TNS3: variants seen among roughly 807,000 people sequenced by gnomAD.
TNS3 encodes tensin 3, also known as tensin-3.
A neutral mutation model predicts 140.9 loss-of-function variants in TNS3; 45 were observed. That is an observed-to-expected ratio of 0.32 (90% CI 0.25 to 0.41). TNS3 has a LOEUF of 0.41. TNS3 is among the 10% of genes least tolerant of loss of function. TNS3 has a pLI of 1.00. For synonymous variants in TNS3, 815 were observed against 788.4 expected (o/e 1.03, Z -0.56); for missense variants, 1,716 against 1,906.7 (o/e 0.90, Z 1.86).
intron 20 of TNS3, among the ~76,000 whole-genome samples, chr7:47,343,512 C>T (rs1360361498): frequency 6.6e-6 from 1 of 152,184 alleles, no homozygotes; most frequent in Non-Finnish European, 1.5e-5. Flanking sequence ...GGCCAGAGGG[C>T]TAGATGCCAG....
chr7:47,283,451 C>T (rs1314335588), intron 28 of TNS3, among the ~76,000 whole-genome samples: 4 of 152,136 alleles, frequency 2.6e-5, no homozygotes, highest in Non-Finnish European at 5.9e-5. Flanking sequence ...AAACGCCAAA[C>T]GTCTTTTTTT....
At chr7:47,531,391 T>C (rs1384612885) in intron 1 of TNS3, among the ~76,000 whole-genome samples, 1 of 152,076 alleles carries the variant, frequency 6.6e-6, no homozygotes, top group Admixed American at 6.5e-5. Flanking sequence ...CAAAAAAAGA[T>C]ATACAATTAA....
intron 1 of TNS3, among the ~76,000 whole-genome samples, chr7:47,574,592 G>A (rs1800629710): frequency 6.6e-6 from 1 of 151,250 alleles, no homozygotes; most frequent in African/African-American, 2.4e-5. Flanking sequence ...TGTATCAACA[G>A]ATGAATGGAT....
intron 2 of TNS3, among the ~76,000 whole-genome samples, chr7:47,521,331 G>A (rs1160110378): frequency 2.0e-5 from 3 of 152,180 alleles, no homozygotes; most frequent in Non-Finnish European, 4.4e-5. Flanking sequence ...GCCCTTCGAA[G>A]CCTTGGTCAC....
intron 9 of TNS3, among the ~76,000 whole-genome samples, chr7:47,425,361 G>A (rs1437825015): frequency 1.3e-5 from 2 of 152,058 alleles, no homozygotes; most frequent in Admixed American, 6.6e-5. Context: ...AAGTGGGCCC[G>A]TTACTTAGAA....
At chr7:47,524,191 C>G (rs527730156) in intron 2 of TNS3, among the ~76,000 whole-genome samples, 3 of 152,310 alleles carry the variant, frequency 2.0e-5, no homozygotes, top group African/African-American at 7.2e-5. Context: ...TCCTGCCTCA[C>G]TGGCCTGGCA....
At chr7:47,361,934 C>T (rs2151096574) in intron 17 of TNS3, among the ~76,000 whole-genome samples, 1 of 152,292 alleles carries the variant, frequency 6.6e-6, no homozygotes, top group Middle Eastern at 3.4e-3. Context: ...AACCACAGAA[C>T]TGGCTTTTTG....
At chr7:47,533,376 C>T (rs1198623232) in intron 1 of TNS3, among the ~76,000 whole-genome samples, 14 of 150,332 alleles carry the variant, frequency 9.3e-5, no homozygotes, top group East Asian at 2.0e-4. Flanking sequence ...GTGATCCATC[C>T]GCCTTGGCCT....
chr7:47,539,281 G>T (rs1203981761), intron 1 of TNS3: 1 of 367,038 alleles, frequency 2.7e-6, no homozygotes, highest in Admixed American at 3.3e-5. Context: ...TTTATTGCAG[G>T]GATACCCTGA....
At chr7:47,355,044 C>T (rs1230039314) in intron 17 of TNS3, among the ~76,000 whole-genome samples, 3 of 152,032 alleles carry the variant, frequency 2.0e-5, no homozygotes, top group Non-Finnish European at 4.4e-5. Flanking sequence ...CCCTACACTG[C>T]CACTCCCAAA....
intron 20 of TNS3, among the ~76,000 whole-genome samples, chr7:47,329,002 ACTC>A (rs1788184127): frequency 6.7e-6 from 1 of 149,830 alleles, no homozygotes; most frequent in Non-Finnish European, 1.5e-5. Context: ...CTGCTGAAAA[ACTC>A]CTATACATTC....
At position 47,549,363 on chromosome 7, in the gene TNS3, C is replaced by T. The variant is rs890651124; in HGVS notation, c.-264-20216G>A. 7.2e-5 allele frequency among the ~76,000 whole-genome samples: 11 copies of T among 152,076 alleles called. 1 individual carries two copies. The South Asian group carries it at 1.7e-3, about 23-fold the overall frequency. On this transcript the variant is annotated intron_variant, in intron 1 of 30. Coordinates refer to ENST00000311160, the MANE Select transcript of TNS3 (RefSeq NM_022748.12). ...AAAAAAACTTAGCCATGTGTGGTGG[C>T]GGGTGCCTGTAATCCCAGCTACTCG... is the stretch of plus-strand genomic sequence containing the variant.
rs1015510672 is a variant in TNS3 at position 47,312,716 on chromosome 7, A to T, written c.2651-7713T>A. The stretch of plus-strand genomic sequence containing the variant: ...AAACTCTGTCTCAAAAAATAAAAAT[A>T]AAAATAAAAAAATAAAATGTCAGGG... On this transcript the variant is annotated intron_variant, in intron 20 of 30. Transcript: ENST00000311160. Among the ~76,000 whole-genome samples the T allele has an allele frequency of 2.1e-5, 3 of 141,098 alleles. No homozygotes were observed. The Admixed American group carries it at 2.2e-4, about 10-fold the overall frequency. 92.6% of individuals were successfully genotyped at this position (141,098 alleles called of 152,430 possible). A position where few individuals can be genotyped will look rare whatever the true frequency, so the allele number is the denominator to read the frequency against.
chr7:47,328,318 C>T (rs1256540836), intron 20 of TNS3, among the ~76,000 whole-genome samples: 2 of 152,228 alleles, frequency 1.3e-5, no homozygotes, highest in Non-Finnish European at 2.9e-5. Flanking sequence ...GCCCTGGCCC[C>T]GCCTTGCTCA....
chr7:47,408,207 G>A (rs182040451), intron 13 of TNS3, among the ~76,000 whole-genome samples: 30 of 152,116 alleles, frequency 2.0e-4, no homozygotes, highest in Non-Finnish European at 2.9e-4. Flanking sequence ...GGAGGCCACC[G>A]CCTCCTTCAC....
chr7:47,279,814 A>C (rs1785047247), intron 30 of TNS3: 1 of 339,868 alleles, frequency 2.9e-6, no homozygotes, highest in Non-Finnish European at 5.4e-6. Context: ...TCATCCACAC[A>C]CCTGCACAAA....
chr7:47,542,268 C>G (rs78682449), intron 1 of TNS3, among the ~76,000 whole-genome samples: 2,082 of 152,292 alleles, frequency 0.014, 23 homozygotes, highest in Middle Eastern at 0.02. Context: ...ATGGTCAGCG[C>G]CACCTGTGAT....
chr7:47,286,238 C>T (rs1378329722), intron 27 of TNS3, among the ~76,000 whole-genome samples: 2 of 152,138 alleles, frequency 1.3e-5, no homozygotes, highest in Admixed American at 6.5e-5. Context: ...TCACAGATGG[C>T]TTTCTGATGA....
rs1793739333 is a variant in TNS3, at chr7:47,411,019, C to T, written c.723+708G>A. The stretch of plus-strand genomic sequence containing the variant: ...ATTAATCAAGCTGTAATTGCACCAG[C>T]TGTATTTCACACTTTGGCTATTAAT... On this transcript the variant is annotated intron_variant, in intron 13 of 30. Coordinates refer to ENST00000311160, the MANE Select transcript of TNS3 (RefSeq NM_022748.12). 2.6e-5 allele frequency among the ~76,000 whole-genome samples: 4 copies of T among 152,328 alleles called. No individual in the cohort carries two copies. The South Asian group carries it at 6.2e-4, about 24-fold the overall frequency.
Sources: gnomAD v4.1 joint callset for allele counts (sites outside exome capture counted in the v4.1 genomes callset) on GRCh38, gnomAD v4.1.1 for gene constraint, MANE v1.5 for transcripts, NCBI Gene and HGNC (gene_info 2026-07-23, HGNC 2026-07-21) for gene names.